GARS1: variants seen among roughly 807,000 people sequenced by gnomAD.
GARS1 encodes the protein glycyl-tRNA synthetase 1.
In GARS1, 46 loss-of-function variants were observed where a neutral mutation model predicts 86.4. That is an observed-to-expected ratio of 0.53 (90% confidence interval 0.42 to 0.68). The LOEUF (loss-of-function observed/expected upper bound fraction) is 0.68, where lower values mean the gene tolerates loss of function less well. Ranked by LOEUF, GARS1 falls within the 30% of genes least tolerant of loss-of-function variation. The probability of loss-of-function intolerance (pLI) is 0.00; values close to 1 mark genes in which losing one functional copy is unlikely to be tolerated. For synonymous variants in GARS1, 342 were observed against 329.8 expected (o/e 1.04, Z -0.40); for missense variants, 797 against 915.6 (o/e 0.87, Z 1.67).
chr7:30,610,399 A>C (rs1310993786), intron 7 of GARS1, among the ~76,000 whole-genome samples: 1 of 152,232 alleles, frequency 6.6e-6, no homozygotes, highest in Non-Finnish European at 1.5e-5. Flanking sequence ...ACTGTTTAAC[A>C]GACTTAGCCA....
At chr7:30,629,496 A>G (rs1046941176) in intron 14 of GARS1, among the ~76,000 whole-genome samples, 1 of 152,190 alleles carries the variant, frequency 6.6e-6, no homozygotes, top group African/African-American at 2.4e-5. Context: ...GCTAGAAAGG[A>G]GAGGTTGTAT....
At chr7:30,617,677 T>G (rs2128134700) in intron 10 of GARS1, among the ~76,000 whole-genome samples, 1 of 152,314 alleles carries the variant, frequency 6.6e-6, no homozygotes, top group South Asian at 2.1e-4. Flanking sequence ...CAATGAGCTA[T>G]GTAGTAGCTT....
intron 8 of GARS1, among the ~76,000 whole-genome samples, chr7:30,613,206 A>G (rs975776790): frequency 1.3e-5 from 2 of 152,174 alleles, no homozygotes; most frequent in African/African-American, 4.8e-5. Context: ...CGCAAACTGT[A>G]TCTCTAGGCC....
rs559540621 is a variant in GARS1 at position 30,596,155 on chromosome 7, C to G, written c.222+1012C>G. On this transcript the variant is annotated intron_variant, in intron 1 of 16. Coordinates refer to ENST00000389266, the MANE Select transcript of GARS1 (RefSeq NM_002047.4). ...GTTTCTCCTGCATGGGCGCCTGATG[C>G]AATAATTTGCCTTAGCTACAGAGGG... Among the ~76,000 whole-genome samples the G allele has an allele frequency of 2.5e-4, 38 of 152,304 alleles. No individual in the cohort carries two copies. The South Asian group carries it at 7.7e-3, about 31-fold the overall frequency.
rs769780656 is a variant in GARS1 at position 30,603,101 on chromosome 7, C to T, written c.637C>T (p.Arg213Cys). ...VKDVKNGECF[R>C]ADHLLKAHLQ... Reference sequence around the variant, plus strand: ...AGACGTAAAAAATGGAGAATGTTTTCGTGCTGACCATCTATTAAAAGGTGA... The same window carrying T: ...AGACGTAAAAAATGGAGAATGTTTTTGTGCTGACCATCTATTAAAAGGTGA... Residue 213 changes from arginine to cysteine, a missense_variant, in exon 5 of 17, where the codon CGT becomes TGT. Arg to Cys is a radical substitution (Grantham distance 180). This residue lies in a region of GARS1 where 598 missense variants were observed against 738.7 expected (regional missense o/e 0.81). Transcript: ENST00000389266. 13 of 1,613,664 alleles carry T rather than the reference C, an allele frequency of 8.1e-6. No individual in the cohort carries two copies. The highest frequency in any genetic ancestry group is 6.7e-5 in the East Asian group (3 of 44,792).
At chr7:30,631,590 C>A in intron 15 of GARS1, 49 bp downstream of exon 15, 1 of 1,178,114 alleles carries the variant, frequency 8.5e-7, no homozygotes, top group Non-Finnish European at 1.3e-6. Context: ...ATCAAGGAGA[C>A]TGAATTTTAG....
rs776505252 is a variant in GARS1 at position 30,601,148 on chromosome 7, G to A, written c.517G>A (p.Glu173Lys). The change falls in exon 4 of 17, where the codon GAA becomes AAA. Residue 173 changes from glutamate (E) to lysine (K), a missense_variant. Glu to Lys is a moderately conservative substitution (Grantham distance 56). This residue lies in a region of GARS1 where 598 missense variants were observed against 738.7 expected (regional missense o/e 0.81). Transcript: ENST00000389266. ...CTGGAGGCAGCACTTTATCCAAGAG[G>A]AACAGATCCTGGAGATCGATTGCAC... ...QTWRQHFIQE[E>K]QILEIDCTML... 5 of 1,614,008 alleles carry A rather than the reference G, an allele frequency of 3.1e-6. No homozygotes were observed. Among genetic ancestry groups the A allele is most frequent in the African/African-American group, 2.7e-5 (2 of 74,918 alleles).
chr7:30,622,763 TG>T (rs1472246285), intron 12 of GARS1: 1 of 387,104 alleles, frequency 2.6e-6, no homozygotes, highest in African/African-American at 2.1e-5. Flanking sequence ...CTCTCCTTTT[TG>T]GAGGTTTAGA....
chr7:30,603,137 C>T lies in GARS1; in HGVS notation c.658+15C>T. On this transcript the variant is annotated intron_variant, in intron 5 of 16. Transcript: ENST00000389266. The stretch of plus-strand genomic sequence containing the variant: ...TCTATTAAAAGGTGAGGTTCTTCAT[C>T]TCCTTCAGGTAGGATTGATCAAAAT... 1.3e-6 allele frequency: 2 copies of T among 1,584,190 alleles called. No individual in the cohort carries two copies. The highest frequency in any genetic ancestry group is 8.7e-7 in the Non-Finnish European group (1 of 1,152,924).
At position 30,598,293 on chromosome 7, in the gene GARS1, G is replaced by T. The variant is rs200964553; in HGVS notation, c.223-503G>T. On this transcript the variant is annotated intron_variant, in intron 1 of 16. Transcript: ENST00000389266. ...CAGTTATTTGTTAACTTGCCCGTGT[G>T]TTCTTCTAGATTATTAAATGAAGAG... Among the ~76,000 whole-genome samples, 14 of 148,580 alleles carry T rather than the reference G, an allele frequency of 9.4e-5. No homozygotes were observed. The East Asian group carries it at 2.6e-3, about 28-fold the overall frequency.
At chr7:30,609,360 A>G (rs945747977) in intron 6 of GARS1, among the ~76,000 whole-genome samples, 35 of 152,180 alleles carry the variant, frequency 2.3e-4, no homozygotes, top group African/African-American at 6.3e-4. Context: ...AACAGTGACT[A>G]TATGAGTTTT....
chr7:30,597,397 G>A (rs1412548187), intron 1 of GARS1, among the ~76,000 whole-genome samples: 1 of 152,186 alleles, frequency 6.6e-6, no homozygotes, highest in Non-Finnish European at 1.5e-5. Flanking sequence ...TTTTGAGGTA[G>A]TATCAAAGAA....
At chr7:30,614,604 A>G (rs6945223) in intron 8 of GARS1, among the ~76,000 whole-genome samples, 14,062 of 152,218 alleles carry the variant, frequency 0.092, 1,264 homozygotes, top group African/African-American at 0.23. Flanking sequence ...GGCCGGGCGC[A>G]GTGGCTCACG....
intron 7 of GARS1, among the ~76,000 whole-genome samples, chr7:30,610,286 A>G (rs1055767189): frequency 6.6e-6 from 1 of 152,226 alleles, no homozygotes; most frequent in African/African-American, 2.4e-5. Flanking sequence ...CAGCATAGGT[A>G]TAGCCTGTTG....
At chr7:30,598,994 A>G in intron 2 of GARS1, 97 bp downstream of exon 2, 2 of 940,812 alleles carry the variant, frequency 2.1e-6, no homozygotes, top group Non-Finnish European at 3.4e-6. Context: ...GTTTCTGAAC[A>G]AGTATCATTT....
chr7:30,601,168 T>C lies in GARS1; in HGVS notation c.537T>C (p.Asp179=), dbSNP rs772899197. The C allele has an allele frequency of 9.3e-6, 15 of 1,614,154 alleles. No homozygotes were observed. The highest frequency in any genetic ancestry group is 2.2e-5 in the East Asian group (1 of 44,878). The change falls in exon 4 of 17, where the codon GAT becomes GAC. Residue 179 remains aspartate, a synonymous_variant. Coordinates refer to ENST00000389266, the MANE Select transcript of GARS1 (RefSeq NM_002047.4). ...AAGAGGAACAGATCCTGGAGATCGA[T>C]TGCACCATGCTCACCCCTGAGCCAG... is the stretch of plus-strand genomic sequence containing the variant. ...FIQEEQILEI[D]CTMLTPEPVL... is the part of the protein sequence containing the mutation.
intron 4 of GARS1, among the ~76,000 whole-genome samples, 198 bp from the exon 5 acceptor site, chr7:30,602,836 G>A (rs897624449): frequency 6.6e-6 from 1 of 152,228 alleles, no homozygotes; most frequent in East Asian, 1.9e-4. Flanking sequence ...AAGGAAGAAT[G>A]TGGGAGAGGG....
At chr7:30,620,825 G>T (rs760639591) in intron 10 of GARS1, among the ~76,000 whole-genome samples, 3 of 152,098 alleles carry the variant, frequency 2.0e-5, no homozygotes, top group African/African-American at 7.2e-5. Flanking sequence ...ATCAAGTTGT[G>T]AGAACACTAG....
At chr7:30,622,158 G>C (rs1429236192) in intron 11 of GARS1, 159 bp from the exon 12 acceptor site, 1 of 765,504 alleles carries the variant, frequency 1.3e-6, no homozygotes, top group Non-Finnish European at 2.2e-6. Flanking sequence ...ATGATTTTGT[G>C]GACAGGTGTT....
Sources: gnomAD v4.1 joint callset for allele counts (sites outside exome capture counted in the v4.1 genomes callset) on GRCh38, gnomAD v4.1.1 for gene constraint, gnomAD v4.1.1 regional missense constraint, MANE v1.5 for transcripts, NCBI Gene and HGNC (gene_info 2026-07-23, HGNC 2026-07-21) for gene names.